ADAMTSL1: variants seen among roughly 807,000 people sequenced by gnomAD.
ADAMTSL1 encodes the protein ADAMTS-like protein 1.
ADAMTSL1 carries 126 observed loss-of-function variants against 201.8 expected under a neutral mutation model. The observed-to-expected ratio is 0.62, with a 90% CI of 0.54 to 0.72. The LOEUF is 0.72. Ranked by LOEUF, ADAMTSL1 falls within the 30% of genes least tolerant of loss-of-function variation. The probability of loss-of-function intolerance (pLI) is 0.00; values close to 1 mark genes in which losing one functional copy is unlikely to be tolerated. For missense variants in ADAMTSL1, 2,679 were observed against 2,277.8 expected (o/e 1.18, Z -3.59); for synonymous variants, 1,121 against 903.4 (o/e 1.24, Z -4.32).
At chr9:18,870,025 AAG>A (rs1827787714) in intron 23 of ADAMTSL1, among the ~76,000 whole-genome samples, 2 of 152,062 alleles carry the variant, frequency 1.3e-5, no homozygotes. Flanking sequence ...ATCTTCTGTT[AAG>A]ATTGTCTAGT....
chr9:18,671,907 G>T (rs1243868418), intron 9 of ADAMTSL1, among the ~76,000 whole-genome samples: 1 of 151,994 alleles, frequency 6.6e-6, no homozygotes, highest in Non-Finnish European at 1.5e-5. Context: ...CGTGGCGGCG[G>T]GCGCCTGTAG....
intron 1 of ADAMTSL1, among the ~76,000 whole-genome samples, chr9:18,111,024 C>G (rs1824984090): frequency 6.6e-6 from 1 of 152,140 alleles, no homozygotes; most frequent in Admixed American, 6.6e-5. Context: ...ATTTTCTTCT[C>G]TAAAATGATG....
intron 2 of ADAMTSL1, among the ~76,000 whole-genome samples, chr9:18,432,287 T>G (rs1819527352): frequency 6.6e-6 from 1 of 152,230 alleles, no homozygotes; most frequent in Non-Finnish European, 1.5e-5. Context: ...TATACTAGTT[T>G]CTATAGACCT....
intron 1 of ADAMTSL1, among the ~76,000 whole-genome samples, chr9:18,145,863 T>C (rs73423002): frequency 0.021 from 3,240 of 152,306 alleles, 71 homozygotes; most frequent in African/African-American, 0.06. Flanking sequence ...CATAAATGAC[T>C]TGTGTTTAAG....
At chr9:18,207,663 A>T (rs1829709594) in intron 2 of ADAMTSL1, among the ~76,000 whole-genome samples, 1 of 152,192 alleles carries the variant, frequency 6.6e-6, no homozygotes, top group Non-Finnish European at 1.5e-5. Context: ...GCGCCCTTGT[A>T]ACATGCGGTT....
intron 1 of ADAMTSL1, among the ~76,000 whole-genome samples, chr9:18,114,028 TA>T (rs1273128959): frequency 3.3e-5 from 5 of 152,018 alleles, no homozygotes; most frequent in African/African-American, 4.8e-5. Context: ...AAGCTTGAGA[TA>T]GATTAAGACC....
intron 26 of ADAMTSL1, among the ~76,000 whole-genome samples, chr9:18,898,426 G>C (rs1474754371): frequency 5.9e-5 from 9 of 152,180 alleles, no homozygotes; most frequent in Non-Finnish European, 1.5e-5. Flanking sequence ...CTCAGAACTT[G>C]ATGACTATCT....
At chr9:18,709,078 C>A (rs1832400354) in intron 14 of ADAMTSL1, among the ~76,000 whole-genome samples, 1 of 152,184 alleles carries the variant, frequency 6.6e-6, no homozygotes, top group South Asian at 2.1e-4. Flanking sequence ...TTACTGAAAT[C>A]TCTTAGGTCT....
At chr9:18,291,752 C>G (rs1460359479) in intron 2 of ADAMTSL1, among the ~76,000 whole-genome samples, 2 of 123,734 alleles carry the variant, frequency 1.6e-5, no homozygotes, top group Non-Finnish European at 3.5e-5. Context: ...CTCTCTCACA[C>G]ACACACACAC....
intron 2 of ADAMTSL1, among the ~76,000 whole-genome samples, chr9:18,328,717 A>T (rs145578963): frequency 1.9e-4 from 29 of 152,314 alleles, no homozygotes; most frequent in African/African-American, 6.5e-4. Context: ...TGGCTAGATG[A>T]ACACGTGGAT....
intron 1 of ADAMTSL1, among the ~76,000 whole-genome samples, chr9:17,914,605 C>G (rs1434369704): frequency 2.6e-5 from 4 of 151,192 alleles, no homozygotes; most frequent in African/African-American, 9.7e-5. Context: ...CCTTTGAAAA[C>G]TGGCACAAGA....
rs535613478 is a variant in ADAMTSL1, at chr9:18,208,497, T to C, written c.207+44516T>C. On this transcript the variant is annotated intron_variant, in intron 2 of 29. Coordinates refer to the ADAMTSL1 transcript ENST00000680146. ...CAGTCATCTGGGTCCTCAGGGCAAA[T>C]GTCTTACTTTGCTAAGCTGAGATTA... Among the ~76,000 whole-genome samples the C allele has an allele frequency of 4.6e-5, 7 of 152,264 alleles. No individual in the cohort carries two copies. The South Asian group carries it at 1.2e-3, about 27-fold the overall frequency.
chr9:18,355,705 T>C (rs768547220), intron 2 of ADAMTSL1, among the ~76,000 whole-genome samples: 14 of 152,134 alleles, frequency 9.2e-5, no homozygotes, highest in Non-Finnish European at 1.8e-4. Flanking sequence ...ACTAAAAAAA[T>C]TAAAAAATTA....
intron 1 of ADAMTSL1, among the ~76,000 whole-genome samples, chr9:18,494,791 A>C (rs10963616): frequency 2.0e-5 from 3 of 152,304 alleles, no homozygotes; most frequent in East Asian, 3.9e-4. Flanking sequence ...ATATGCTCAA[A>C]ATGTGGCATA....
At chr9:18,879,395 T>A (rs1828382635) in intron 23 of ADAMTSL1, among the ~76,000 whole-genome samples, 1 of 152,140 alleles carries the variant, frequency 6.6e-6, no homozygotes, top group Admixed American at 6.5e-5. Flanking sequence ...TTTTTTAAAA[T>A]TTTTCCACAA....
chr9:18,776,828 A>C lies in ADAMTSL1; in HGVS notation c.2599A>C (p.Arg867=). ...GCACAGCCCGCACATCGCGGCCGCC[A>C]GGAAGGTCTACATACAGACTCGCAG... The part of the protein sequence containing the change: ...TKHSPHIAAA[R]KVYIQTRRQR... The change falls in exon 19 of 29, where the codon AGG becomes CGG. Residue 867 remains arginine (R), a synonymous_variant. Coordinates refer to ENST00000380548, the MANE Select transcript of ADAMTSL1 (RefSeq NM_001040272.6). The C allele has an allele frequency of 6.3e-7, 1 of 1,587,808 alleles. No individual in the cohort carries two copies. Among genetic ancestry groups the C allele is most frequent in the Non-Finnish European group, 8.6e-7 (1 of 1,167,526 alleles).
At chr9:18,029,404 G>A (rs1170966069) in intron 1 of ADAMTSL1, among the ~76,000 whole-genome samples, 2 of 152,192 alleles carry the variant, frequency 1.3e-5, no homozygotes, top group East Asian at 1.9e-4. Flanking sequence ...ATTCGAAATG[G>A]ATTAAAGACT....
chr9:18,776,151 A>G (rs1038591745), intron 18 of ADAMTSL1, among the ~76,000 whole-genome samples: 5 of 152,122 alleles, frequency 3.3e-5, no homozygotes, highest in African/African-American at 1.2e-4. Flanking sequence ...TTGCTGGCAT[A>G]CAGAGATCTG....
In ADAMTSL1 at chr9:18,829,972, T is replaced by C. The variant is rs564718773; in HGVS notation, c.4244T>C (p.Leu1415Pro). Reference protein sequence around the residue: ...QLVLDPGNSALLGCPIKGHPV... With the variant: ...QLVLDPGNSAPLGCPIKGHPV... ...GTCCTGGATCCTGGGAATTCTGCTC[T>C]CCTTGGTGAGTCTAACCCTCGGAAA... Residue 1415 changes from leucine to proline, a missense_variant, in exon 23 of 29, where the codon CTC becomes CCC. Physicochemically the swap from Leu to Pro is moderately conservative, Grantham distance 98. Coordinates refer to ENST00000380548, the MANE Select transcript of ADAMTSL1 (RefSeq NM_001040272.6). 1 of 1,609,670 alleles carries C rather than the reference T, an allele frequency of 6.2e-7. No individual in the cohort carries two copies. Among genetic ancestry groups the C allele is most frequent in the East Asian group, 2.2e-5 (1 of 44,696 alleles).
Sources: gnomAD v4.1 joint callset for allele counts (sites outside exome capture counted in the v4.1 genomes callset) on GRCh38, gnomAD v4.1.1 for gene constraint, MANE v1.5 for transcripts, NCBI Gene and HGNC (gene_info 2026-07-23, HGNC 2026-07-21) for gene names.